The following SHANK2 variants were observed in gnomAD, a reference collection of about 807,000 sequenced individuals.
The protein encoded by SHANK2 is SH3 and multiple ankyrin repeat domains protein 2.
SHANK2 carries 43 observed loss-of-function variants against 133.7 expected under a neutral mutation model. The observed-to-expected ratio is 0.32, with a 90% CI of 0.25 to 0.41. SHANK2 has a LOEUF of 0.41. Ranked by LOEUF, SHANK2 falls within the 10% of genes least tolerant of loss-of-function variation. The pLI is 1.00. For missense variants in SHANK2, 1,994 were observed against 2,235.8 expected (o/e 0.89, Z 2.18); for synonymous variants, 1,017 against 952.8 (o/e 1.07, Z -1.24).
intron 11 of SHANK2, among the ~76,000 whole-genome samples, chr11:70,832,835 G>A (rs1443830088): frequency 1.3e-5 from 2 of 151,960 alleles, no homozygotes; most frequent in African/African-American, 2.4e-5. Context: ...GTACTGCCCC[G>A]CCTTGCCCCA....
chr11:70,927,167 A>G (rs1446757269), intron 10 of SHANK2, among the ~76,000 whole-genome samples: 5 of 152,212 alleles, frequency 3.3e-5, no homozygotes, highest in East Asian at 1.9e-4. Flanking sequence ...GTAGACTCCA[A>G]TGCAACACAC....
chr11:70,801,666 G>A (rs1948050027), intron 13 of SHANK2, among the ~76,000 whole-genome samples: 1 of 152,210 alleles, frequency 6.6e-6, no homozygotes, highest in Non-Finnish European at 1.5e-5. Context: ...AGCAGTACAA[G>A]AGCGAGCACT....
chr11:70,908,449 C>T (rs782724138), intron 10 of SHANK2, among the ~76,000 whole-genome samples: 34 of 152,220 alleles, frequency 2.2e-4, no homozygotes, highest in Non-Finnish European at 4.3e-4. Flanking sequence ...AAACAGACTC[C>T]GCCTGTGCAT....
At chr11:70,826,776 C>T (rs1948647179) in intron 11 of SHANK2, 1 of 303,108 alleles carries the variant, frequency 3.3e-6, no homozygotes, top group South Asian at 2.9e-5. Flanking sequence ...CGGCGCGCGT[C>T]ATGTGAGCCG....
chr11:71,109,838 G>A (rs1555098754), intron 6 of SHANK2, 103 bp downstream of exon 6: 3 of 753,584 alleles, frequency 4.0e-6, no homozygotes, highest in East Asian at 2.7e-5. Context: ...ACAAAACCAA[G>A]TAAAAGGTAA....
rs782779412 is a variant in SHANK2 at position 71,166,790 on chromosome 11, C to CT, written c.-12-19453dup. Among the ~76,000 whole-genome samples the CT allele has an allele frequency of 3.0e-3, 416 of 137,754 alleles. 2 individuals carry two copies. The highest frequency in any genetic ancestry group is 2.9e-3 in the Non-Finnish European group (181 of 62,844). 90.4% of individuals were successfully genotyped at this position (137,754 alleles called of 152,430 possible). A position where few individuals can be genotyped will look rare whatever the true frequency, so the allele number is the denominator to read the frequency against. ...GAGCCACCACACCGGGCCCACACTT[C>CT]TTTTTTTTTTTTTTTTAATTGATCA... On this transcript the variant is annotated intron_variant, in intron 2 of 25. Transcript: ENST00000601538.
intron 17 of SHANK2, among the ~76,000 whole-genome samples, chr11:70,504,173 T>C (rs2059102293): frequency 6.6e-6 from 1 of 152,226 alleles, no homozygotes; most frequent in South Asian, 2.1e-4. Flanking sequence ...AGCCACACTG[T>C]GCTGTACGCA....
intron 6 of SHANK2, among the ~76,000 whole-genome samples, chr11:71,100,470 C>T (rs1342146087): frequency 1.6e-4 from 24 of 152,280 alleles, no homozygotes; most frequent in African/African-American, 4.3e-4. Flanking sequence ...CAACACGATA[C>T]GAAGGAAGCT....
chr11:71,103,340 T>C (rs1951749137), intron 6 of SHANK2, among the ~76,000 whole-genome samples: 1 of 152,152 alleles, frequency 6.6e-6, no homozygotes, highest in Admixed American at 6.5e-5. Context: ...AGTGCCCTTG[T>C]TACTGGTAGG....
chr11:70,801,540 G>A (rs542776893), intron 13 of SHANK2, among the ~76,000 whole-genome samples: 1 of 152,338 alleles, frequency 6.6e-6, no homozygotes, highest in South Asian at 2.1e-4. Context: ...CTCATATGGT[G>A]AGGAAGGGGC....
intron 10 of SHANK2, chr11:70,943,825 C>T: frequency 1.2e-5 from 5 of 431,360 alleles, no homozygotes; most frequent in South Asian, 8.6e-5. Flanking sequence ...CAATCCCTTC[C>T]TCACCACAGG....
At chr11:70,567,388 G>A (rs138591827) in intron 17 of SHANK2, among the ~76,000 whole-genome samples, 1,688 of 152,252 alleles carry the variant, frequency 0.011, 37 homozygotes, top group African/African-American at 0.039. Context: ...TAGCACTTTG[G>A]GAGGCCGAGG....
At chr11:70,865,571 G>A (rs1949342401) in intron 11 of SHANK2, among the ~76,000 whole-genome samples, 1 of 152,174 alleles carries the variant, frequency 6.6e-6, no homozygotes, top group Non-Finnish European at 1.5e-5. Context: ...ATTGGATGGA[G>A]GTGTGCCTCA....
chr11:70,606,153 C>T (rs2060574135), intron 17 of SHANK2, among the ~76,000 whole-genome samples: 1 of 152,108 alleles, frequency 6.6e-6, no homozygotes, highest in South Asian at 2.1e-4. Context: ...GCAAAGACCC[C>T]ACTCAAAAAT....
intron 17 of SHANK2, among the ~76,000 whole-genome samples, chr11:70,516,692 A>G (rs1261837677): frequency 1.3e-5 from 2 of 152,244 alleles, no homozygotes; most frequent in Non-Finnish European, 2.9e-5. Context: ...TCTTTGCAAA[A>G]CAAACACTTA....
intron 14 of SHANK2, among the ~76,000 whole-genome samples, chr11:70,713,109 G>A (rs1945829219): frequency 6.6e-6 from 1 of 152,232 alleles, no homozygotes; most frequent in African/African-American, 2.4e-5. Flanking sequence ...GTGTGGGCAG[G>A]GGAGGCACCA....
chr11:70,513,076 CAA>C (rs2059223092), intron 17 of SHANK2, among the ~76,000 whole-genome samples: 1 of 152,016 alleles, frequency 6.6e-6, no homozygotes, highest in African/African-American at 2.4e-5. Context: ...GAAGAGTGAA[CAA>C]AGACAGGCAG....
intron 17 of SHANK2, among the ~76,000 whole-genome samples, chr11:70,640,544 C>T (rs1363910480): frequency 3.3e-5 from 5 of 152,244 alleles, no homozygotes; most frequent in Non-Finnish European, 7.3e-5. Flanking sequence ...TCATTTGTGA[C>T]AGCGGCCTCA....
intron 14 of SHANK2, among the ~76,000 whole-genome samples, chr11:70,718,557 G>A (rs1946002382): frequency 6.6e-6 from 1 of 152,214 alleles, no homozygotes; most frequent in South Asian, 2.1e-4. Context: ...CAGGGCACAG[G>A]GCTGGGGGCT....
Sources: gnomAD v4.1 joint callset for allele counts (sites outside exome capture counted in the v4.1 genomes callset) on GRCh38, gnomAD v4.1.1 for gene constraint, MANE v1.5 for transcripts, NCBI Gene and HGNC (gene_info 2026-07-23, HGNC 2026-07-21) for gene names.